The following ARAP2 variants were observed in gnomAD, a reference collection of about 807,000 sequenced individuals.
ARAP2 encodes the protein arf-GAP with Rho-GAP domain, ANK repeat and PH domain-containing protein 2.
In ARAP2, 148 loss-of-function variants were observed where a neutral mutation model predicts 194.5. That is an observed-to-expected ratio of 0.76 (90% CI 0.67 to 0.87). The LOEUF (loss-of-function observed/expected upper bound fraction) is 0.87. Among genes scored for constraint, ARAP2 ranks in the 40% least tolerant of loss-of-function variants. ARAP2 has a pLI of 0.00. For missense variants in ARAP2, 2,128 were observed against 1,989.7 expected, an observed-to-expected ratio of 1.07 and a Z score of -1.32; for synonymous variants, 695 against 683.5, an observed-to-expected ratio of 1.02 and a Z score of -0.26.
intron 19 of ARAP2, among the ~76,000 whole-genome samples, chr4:36,145,854 G>A (rs373638661): frequency 3.3e-5 from 5 of 151,748 alleles, no homozygotes; most frequent in Non-Finnish European, 7.4e-5. Flanking sequence ...AGGTGAACCC[G>A]TCCAGTTCCT....
At chr4:36,008,561 T>A (rs61691107) in intron 9 of ARAP2, among the ~76,000 whole-genome samples, 6,968 of 152,124 alleles carry the variant, frequency 0.046, 471 homozygotes, top group African/African-American at 0.15. Context: ...GATTAAAGAC[T>A]TAAATGTAAA....
intron 26 of ARAP2, among the ~76,000 whole-genome samples, chr4:36,109,509 T>C (rs559821564): frequency 1.3e-5 from 2 of 152,050 alleles, no homozygotes; most frequent in South Asian, 4.1e-4. Flanking sequence ...TAAAGCCAGA[T>C]AAAATCTTTT....
chr4:36,020,876 A>C (rs1560276597), intron 5 of ARAP2, among the ~76,000 whole-genome samples: 1 of 152,234 alleles, frequency 6.6e-6, no homozygotes, highest in Non-Finnish European at 1.5e-5. Context: ...TGGTAGTGCT[A>C]ACAAAGTTTG....
chr4:36,218,546 G>C (rs1578318774), intron 2 of ARAP2, among the ~76,000 whole-genome samples: 1 of 151,988 alleles, frequency 6.6e-6, no homozygotes, highest in South Asian at 2.1e-4. Flanking sequence ...CATCTATATG[G>C]AAGCAAATGA....
intron 8 of ARAP2, among the ~76,000 whole-genome samples, chr4:36,180,437 C>T (rs1201547551): frequency 6.6e-6 from 1 of 152,210 alleles, no homozygotes; most frequent in Non-Finnish European, 1.5e-5. Flanking sequence ...CTACATTTTT[C>T]CATCTACATA....
chr4:36,034,161 A>G (rs1208680719), intron 5 of ARAP2, among the ~76,000 whole-genome samples: 1 of 152,110 alleles, frequency 6.6e-6, no homozygotes, highest in Admixed American at 6.6e-5. Context: ...ATTTTAAAAT[A>G]GGTGTTTCTA....
intron 19 of ARAP2, among the ~76,000 whole-genome samples, chr4:36,145,943 G>A (rs1729536869): frequency 6.6e-6 from 1 of 151,886 alleles, no homozygotes; most frequent in Admixed American, 6.6e-5. Flanking sequence ...TTTTAGACAT[G>A]CGTATTCAAC....
At chr4:36,048,591 C>G (rs1380538962) in intron 3 of ARAP2, among the ~76,000 whole-genome samples, 1 of 152,082 alleles carries the variant, frequency 6.6e-6, no homozygotes, top group Non-Finnish European at 1.5e-5. Flanking sequence ...ATCATATTTG[C>G]TTTATCCAAA....
At chr4:36,161,631 G>C in intron 11 of ARAP2, 81 bp from the exon 12 acceptor site, 1 of 1,117,084 alleles carries the variant, frequency 9.0e-7, no homozygotes, top group Non-Finnish European at 1.3e-6. Flanking sequence ...AAGTGCATAT[G>C]TCTGTGTATG....
At chr4:36,093,345 C>G (rs1218278815) in intron 27 of ARAP2, among the ~76,000 whole-genome samples, 9 of 151,862 alleles carry the variant, frequency 5.9e-5, no homozygotes, top group Non-Finnish European at 1.2e-4. Context: ...GCATGTACCC[C>G]TGAACTTAAA....
chr4:36,014,322 G>GAAAGA (rs1560265031), intron 8 of ARAP2, among the ~76,000 whole-genome samples: 1 of 128,300 alleles, frequency 7.8e-6, no homozygotes, highest in Non-Finnish European at 1.7e-5. Context: ...AAGAAAGAAA[G>GAAAGA]AGAGAAAGAA....
intron 28 of ARAP2, among the ~76,000 whole-genome samples, chr4:36,086,585 T>C (rs1215253739): frequency 6.6e-6 from 1 of 152,152 alleles, no homozygotes; most frequent in Non-Finnish European, 1.5e-5. Context: ...TTATTACAAC[T>C]TTCTCTTTTG....
rs537357011 is a variant in ARAP2 at position 36,151,965 on chromosome 4, T to C, written c.2753-921A>G. ...AGTCTCAAATTATTAGTCAAACTAA[T>C]TTAAAAGTTTAAGAATATATTAAAC... On this transcript the variant is annotated intron_variant, in intron 15 of 32. Coordinates refer to ENST00000303965, the MANE Select transcript of ARAP2 (RefSeq NM_015230.4). Among the ~76,000 whole-genome samples the C allele has an allele frequency of 6.6e-5, 10 of 152,314 alleles. No individual in the cohort carries two copies. In the South Asian group the frequency reaches 2.1e-3, roughly 32 times the overall value.
chr4:36,240,851 A>G (rs970473838), intron 1 of ARAP2, among the ~76,000 whole-genome samples: 62 of 152,320 alleles, frequency 4.1e-4, no homozygotes, highest in African/African-American at 1.4e-3. Context: ...CTTAAAAACA[A>G]TTTCCATCCA....
intron 26 of ARAP2, among the ~76,000 whole-genome samples, chr4:36,108,322 A>T (rs1328859997): frequency 6.6e-6 from 1 of 152,030 alleles, no homozygotes; most frequent in Non-Finnish European, 1.5e-5. Context: ...TAATAATCAT[A>T]AATTAATCAT....
chr4:36,240,468 C>A (rs777362977), intron 1 of ARAP2, among the ~76,000 whole-genome samples: 5 of 152,202 alleles, frequency 3.3e-5, no homozygotes, highest in Non-Finnish European at 7.3e-5. Flanking sequence ...ACCTGGGACA[C>A]AAAGCACAGT....
At chr4:36,215,765 C>T (rs1747800173) in intron 2 of ARAP2, among the ~76,000 whole-genome samples, 1 of 152,048 alleles carries the variant, frequency 6.6e-6, no homozygotes, top group African/African-American at 2.4e-5. Context: ...GGGAGGACTG[C>T]TTGAGCCCAG....
intron 1 of ARAP2, among the ~76,000 whole-genome samples, chr4:36,236,160 C>T (rs1320292688): frequency 7.2e-6 from 1 of 139,724 alleles, no homozygotes; most frequent in Non-Finnish European, 1.5e-5. Context: ...GTCTGGGCAA[C>T]AGAGCCAGAC....
chr4:36,128,735 G>A lies in ARAP2; in HGVS notation c.3438C>T (p.Cys1146=). ...CACCATTCTTTTGATAGATATATTT[G>A]CATCCTAAACCTTTGTTTAAAAAAA... ...IAFVTQYGLG[C]KYIYQKNGDP... Residue 1146 remains cysteine (C), a synonymous_variant, in exon 21 of 33, where the codon TGC becomes TGT. Transcript: ENST00000303965. 2 of 1,577,054 alleles carry A rather than the reference G, an allele frequency of 1.3e-6. No homozygotes were observed. Among genetic ancestry groups the A allele is most frequent in the East Asian group, 2.3e-5 (1 of 43,722 alleles).
Sources: gnomAD v4.1 joint callset for allele counts (sites outside exome capture counted in the v4.1 genomes callset) on GRCh38, gnomAD v4.1.1 for gene constraint, MANE v1.5 for transcripts, NCBI Gene and HGNC (gene_info 2026-07-23, HGNC 2026-07-21) for gene names.